Variants in PSMG2 observed in about 807,000 individuals in gnomAD.
The protein encoded by PSMG2 is CD40 ligand-activated specific transcript 3.
Under a neutral mutation model 31.5 loss-of-function variants are expected in PSMG2, and 21 were observed. The observed-to-expected ratio is 0.67, with a 90% CI of 0.47 to 0.96. PSMG2 has a LOEUF of 0.96. Among genes scored for constraint, PSMG2 ranks in the 40% least tolerant of loss-of-function variants. The pLI is 0.00. For synonymous variants in PSMG2, 120 were observed against 110.4 expected (o/e 1.09, Z -0.54); for missense variants, 318 against 321.2 (o/e 0.99, Z 0.08).
chr18:12,702,313 A>G (rs903153494), upstream of PSMG2: 36 of 557,082 alleles, frequency 6.5e-5, no homozygotes, highest in African/African-American at 6.8e-4. Context: ...TTTCTCGGAG[A>G]CGAGGACGCT....
chr18:12,718,032 A>T (rs2040394906), intron 3 of PSMG2, among the ~76,000 whole-genome samples: 1 of 135,564 alleles, frequency 7.4e-6, no homozygotes. Context: ...TTTTTTTGAG[A>T]AAGTTTCACT....
intron 1 of PSMG2, among the ~76,000 whole-genome samples, chr18:12,666,841 G>T (rs1277294125): frequency 6.6e-6 from 1 of 151,958 alleles, no homozygotes; most frequent in Non-Finnish European, 1.5e-5. Context: ...TTCCAATCAG[G>T]TTTATCAAAA....
chr18:12,693,593 G>A (rs534074475), intron 1 of PSMG2, among the ~76,000 whole-genome samples: 1 of 152,212 alleles, frequency 6.6e-6, no homozygotes, highest in East Asian at 1.9e-4. Flanking sequence ...GACCATCCTG[G>A]CCAACATGGT....
At chr18:12,689,502 T>C (rs142511996) in intron 1 of PSMG2, among the ~76,000 whole-genome samples, 19 of 152,358 alleles carry the variant, frequency 1.2e-4, no homozygotes, top group African/African-American at 4.6e-4. Context: ...CTTGACAATC[T>C]TATATGGTTA....
intron 2 of PSMG2, among the ~76,000 whole-genome samples, chr18:12,709,204 C>G (rs2040303099): frequency 6.6e-6 from 1 of 151,618 alleles, no homozygotes; most frequent in African/African-American, 2.4e-5. Context: ...TGCCACCACG[C>G]CCGGCTGATT....
intron 4 of PSMG2, among the ~76,000 whole-genome samples, chr18:12,718,849 A>G (rs1379374863): frequency 1.3e-5 from 2 of 152,114 alleles, no homozygotes; most frequent in Non-Finnish European, 2.9e-5. Context: ...GGGCATGGGG[A>G]AGACATCGTG....
chr18:12,672,523 A>T (rs1450748991), intron 1 of PSMG2: 3 of 260,648 alleles, frequency 1.2e-5, no homozygotes, highest in Non-Finnish European at 1.8e-5. Context: ...TATTTAGATT[A>T]GTCACATATA....
rs368707518 is a variant in PSMG2 at position 12,707,111 on chromosome 18, G to A, written c.229+390G>A. Among the ~76,000 whole-genome samples, 26 of 152,100 alleles carry A rather than the reference G, an allele frequency of 1.7e-4. No individual in the cohort carries two copies. In the East Asian group the frequency reaches 3.9e-3, roughly 23 times the overall value. On this transcript the variant is annotated intron_variant, in intron 2 of 6. Transcript: ENST00000317615. Reference sequence around the variant, plus strand: ...GCTGGGACTACAGGTGCCTGCCACCGCACCTGGCTAATTTTTTGTATTTTT... The same window carrying A: ...GCTGGGACTACAGGTGCCTGCCACCACACCTGGCTAATTTTTTGTATTTTT...
At chr18:12,698,932 TAAC>T, upstream of PSMG2, 1 of 1,308,802 alleles carries the variant, frequency 7.6e-7, no homozygotes, top group Non-Finnish European at 1.1e-6. Context: ...CAATAAAACA[TAAC>T]AAAGATTTAC....
intron 1 of PSMG2, among the ~76,000 whole-genome samples, chr18:12,695,674 G>A (rs1237797257): frequency 1.3e-5 from 2 of 151,952 alleles, no homozygotes; most frequent in African/African-American, 2.4e-5. Flanking sequence ...GCCTTCCAAA[G>A]TGCTTGGTGG....
At chr18:12,667,634 G>A (rs2038828628) in intron 1 of PSMG2, among the ~76,000 whole-genome samples, 1 of 151,606 alleles carries the variant, frequency 6.6e-6, no homozygotes, top group Admixed American at 6.6e-5. Flanking sequence ...GGTGGCACGT[G>A]CCTGTACTCC....
intron 1 of PSMG2, chr18:12,674,897 G>C (rs1286576340): frequency 6.1e-6 from 3 of 495,074 alleles, no homozygotes; most frequent in Non-Finnish European, 1.0e-5. Flanking sequence ...TAATTATAGG[G>C]ATACATAGAA....
chr18:12,708,656 G>A (rs1433898911), intron 2 of PSMG2, among the ~76,000 whole-genome samples: 8 of 146,660 alleles, frequency 5.5e-5, no homozygotes, highest in East Asian at 2.1e-4. Context: ...AAGCCGCTGC[G>A]CCCAGCGGCG....
chr18:12,722,880 G>C (rs1243685507), intron 5 of PSMG2, among the ~76,000 whole-genome samples: 1 of 152,184 alleles, frequency 6.6e-6, no homozygotes, highest in East Asian at 1.9e-4. Context: ...GAAAATGCAA[G>C]CACAGCCTCG....
At chr18:12,688,861 TC>T (rs748766819) in intron 1 of PSMG2, among the ~76,000 whole-genome samples, 2 of 152,220 alleles carry the variant, frequency 1.3e-5, no homozygotes, top group Non-Finnish European at 2.9e-5. Context: ...ACGCCTATGA[TC>T]CCAGCACTTT....
At chr18:12,674,441 T>TAAA (rs34769779) in intron 1 of PSMG2, 45 of 715,614 alleles carry the variant, frequency 6.3e-5, no homozygotes, top group Non-Finnish European at 8.0e-5. Context: ...GACCTTGAGT[T>TAAA]AAAAAAAAAA....
At chr18:12,708,700 CTTTTTTTTT>C (rs71371298) in intron 2 of PSMG2, among the ~76,000 whole-genome samples, 7 of 88,728 alleles carry the variant, frequency 7.9e-5, no homozygotes, top group Non-Finnish European at 1.3e-4. Context: ...TTACAACGTT[CTTTTTTTTT>C]TTTTTTTTTT....
intron 1 of PSMG2, chr18:12,662,212 T>A (rs542041224): frequency 2.2e-6 from 1 of 444,510 alleles, no homozygotes; most frequent in African/African-American, 2.0e-5. Context: ...AACAGCATAT[T>A]TTTTAATGTT....
In PSMG2 at chr18:12,680,913, T is replaced by G. The variant is rs2039324445; in HGVS notation, c.-37+22140T>G. 3 of 1,265,882 alleles carry G rather than the reference T, an allele frequency of 2.4e-6. No individual in the cohort carries two copies. The South Asian group carries it at 4.9e-5, about 20-fold the overall frequency. 78.4% of individuals were successfully genotyped at this position (1,265,882 alleles called of 1,614,324 possible). A position where few individuals can be genotyped will look rare whatever the true frequency, so the allele number is the denominator to read the frequency against. On this transcript the variant is annotated intron_variant, in intron 1 of 6. Transcript: ENST00000585331. ...TAAATACTAAATTATAATAAAAATT[T>G]ATTGGCTGGGCACAGTGGCTCACGC...
Sources: allele counts gnomAD v4.1 joint callset (sites outside exome capture counted in the v4.1 genomes callset), GRCh38; gene constraint gnomAD v4.1.1; transcripts MANE v1.5; gene names NCBI Gene and HGNC (gene_info 2026-07-23, HGNC 2026-07-21).